Variants in ADGRB2 observed in about 807,000 individuals in gnomAD.
ADGRB2 encodes adhesion G protein-coupled receptor B2, also known as brain-specific angiogenesis inhibitor 2.
Under a neutral mutation model 178.7 loss-of-function variants are expected in ADGRB2, and 47 were observed. That is an observed-to-expected ratio of 0.26 (90% CI 0.21 to 0.34). The LOEUF (loss-of-function observed/expected upper bound fraction) is 0.34, where lower values mean the gene tolerates loss of function less well. Among genes scored for constraint, ADGRB2 ranks in the 10% least tolerant of loss-of-function variants. ADGRB2 has a pLI of 1.00. For synonymous variants in ADGRB2, 870 were observed against 912.4 expected (o/e 0.95, Z 0.84); for missense variants, 1,584 against 2,180.8 (o/e 0.73, Z 5.45).
chr1:31,738,788 C>A (rs1645772063), intron 16 of ADGRB2, 44 bp downstream of exon 16: 3 of 1,607,962 alleles, frequency 1.9e-6, no homozygotes, highest in Non-Finnish European at 2.6e-6. Context: ...TCTGGCCACC[C>A]AGGTTGAGGT....
In ADGRB2 at chr1:31,733,612, G is replaced by T. The variant is rs1386002507; in HGVS notation, c.3453-469C>A. ...TGCGACAGAGACACCCAGACAGAAAGATTAAACAGGCAGAGCACGCGGGGG... is the reference window on the plus strand; with the variant it reads ...TGCGACAGAGACACCCAGACAGAAATATTAAACAGGCAGAGCACGCGGGGG... On this transcript the variant is annotated intron_variant, in intron 25 of 32. Transcript: ENST00000373658. This position sits in a 1 kb window ranked among gnomAD's most constrained non-coding sequence, Gnocchi z 4.3. Among the ~76,000 whole-genome samples, 1 of 152,170 alleles carries T rather than the reference G, an allele frequency of 6.6e-6. No individual in the cohort carries two copies. Among genetic ancestry groups the T allele is most frequent in the Non-Finnish European group, 1.5e-5 (1 of 68,024 alleles).
chr1:31,730,236 G>C (rs1256098783), intron 29 of ADGRB2, among the ~76,000 whole-genome samples: 2 of 152,228 alleles, frequency 1.3e-5, no homozygotes, highest in Non-Finnish European at 2.9e-5. Context: ...CTCCGGAAGA[G>C]AGGGTCAGTT....
intron 4 of ADGRB2, among the ~76,000 whole-genome samples, chr1:31,747,902 G>A: frequency 6.6e-6 from 1 of 152,212 alleles, no homozygotes; most frequent in East Asian, 1.9e-4. Flanking sequence ...ACTAAGACAG[G>A]CTCAAAGACA....
chr1:31,740,306 G>C lies in ADGRB2; in HGVS notation c.1989+41C>G, dbSNP rs551140411. 1.2e-6 allele frequency: 2 copies of C among 1,605,158 alleles called. No individual in the cohort carries two copies. Among genetic ancestry groups the C allele is most frequent in the African/African-American group, 2.7e-5 (2 of 74,692 alleles). ...GGGCCTGGCCTCCCGCTTCAGTTTG[G>C]GCCTTCTCCACCCTCCGCCCTCCTT... is the stretch of plus-strand genomic sequence containing the variant. On this transcript the variant is annotated intron_variant, in intron 12 of 32. Transcript: ENST00000373658. This position sits in a 1 kb window ranked among gnomAD's most constrained non-coding sequence, Gnocchi z 5.9.
At position 31,761,471 on chromosome 1, in the gene ADGRB2, T is replaced by G. The variant is rs905263019; in HGVS notation, c.-191+2413A>C. Among the ~76,000 whole-genome samples, 68 of 152,202 alleles carry G rather than the reference T, an allele frequency of 4.5e-4. 1 individual carries two copies. Among genetic ancestry groups the G allele is most frequent in the African/African-American group, 1.5e-3 (62 of 41,452 alleles). ...GGCTCCCCCTAACAGGCTGCCTGCC[T>G]TCGGGGACTCTGACTGGGGTTTCTT... On this transcript the variant is annotated intron_variant, in intron 1 of 32. Coordinates refer to ENST00000373658, the MANE Select transcript of ADGRB2 (RefSeq NM_001364857.2). The surrounding 1 kb of genome is among the most constrained non-coding windows in gnomAD (Gnocchi z 4.2).
In ADGRB2 at chr1:31,755,444, C is replaced by A. The variant is rs1646785274; in HGVS notation, c.838+555G>T. 6.6e-6 allele frequency among the ~76,000 whole-genome samples: 1 copy of A among 152,154 alleles called. No homozygotes were observed. Among genetic ancestry groups the A allele is most frequent in the African/African-American group, 2.4e-5 (1 of 41,440 alleles). ...CCAGCCCTCCAAGGCAGCCTGGAAG[C>A]TCAGGCCTCTTCACCCAGGGACACT... On this transcript the variant is annotated intron_variant, in intron 4 of 32. Transcript: ENST00000373658. The surrounding 1 kb of genome is among the most constrained non-coding windows in gnomAD (Gnocchi z 5.1).
At position 31,744,784 on chromosome 1, in the gene ADGRB2, T is replaced by C. The variant is rs913713725; in HGVS notation, c.839-53A>G. 2.5e-6 allele frequency: 4 copies of C among 1,582,628 alleles called. No individual in the cohort carries two copies. The highest frequency in any genetic ancestry group is 1.3e-5 in the African/African-American group (1 of 74,228). ...TCAGCAAAGGCCAGCTAGGTTCTGTTACAGTGGCACAGTGAAGGCAGCCTT... is the reference window on the plus strand; with the variant it reads ...TCAGCAAAGGCCAGCTAGGTTCTGTCACAGTGGCACAGTGAAGGCAGCCTT... On this transcript the variant is annotated intron_variant, in intron 4 of 32. Coordinates refer to ENST00000373658, the MANE Select transcript of ADGRB2 (RefSeq NM_001364857.2). This position sits in a 1 kb window ranked among gnomAD's most constrained non-coding sequence, Gnocchi z 6.7.
At chr1:31,739,673 G>C (rs1358435037) in intron 14 of ADGRB2, 38 bp from the exon 15 acceptor site, 1 of 1,541,348 alleles carries the variant, frequency 6.5e-7, no homozygotes, top group Admixed American at 1.9e-5. Flanking sequence ...CAGACAGAGG[G>C]GCAGAAACAA....
chr1:31,744,432 C>A lies in ADGRB2; in HGVS notation c.923-75G>T. 6.6e-7 allele frequency: 1 copy of A among 1,524,090 alleles called. No individual in the cohort carries two copies. The highest frequency in any genetic ancestry group is 1.2e-5 in the South Asian group (1 of 82,512). 94.4% of individuals were successfully genotyped at this position (1,524,090 alleles called of 1,614,324 possible). A position where few individuals can be genotyped will look rare whatever the true frequency, so the allele number is the denominator to read the frequency against. ...AGTCTCATAGGGATAGGGGGAGTGG[C>A]AGTAAGGTGGGGGCAGGCATCAGAG... is the stretch of plus-strand genomic sequence containing the variant. On this transcript the variant is annotated intron_variant, in intron 5 of 32. Transcript: ENST00000373658. The surrounding 1 kb of genome is among the most constrained non-coding windows in gnomAD (Gnocchi z 6.7).
intron 29 of ADGRB2, among the ~76,000 whole-genome samples, chr1:31,729,479 C>G (rs1283972566): frequency 1.3e-5 from 2 of 152,208 alleles, no homozygotes; most frequent in Non-Finnish European, 2.9e-5. Flanking sequence ...CACTCACACT[C>G]TGCCCCGGCA....
chr1:31,740,896 C>CACACACACAT lies in ADGRB2; in HGVS notation c.1795-356_1795-355insATGTGTGTGT, dbSNP rs1645917532. Among the ~76,000 whole-genome samples, 2 of 3,646 alleles carry CACACACACAT rather than the reference C, an allele frequency of 5.5e-4. No homozygotes were observed. Among genetic ancestry groups the CACACACACAT allele is most frequent in the South Asian group, 0.1 (2 of 20 alleles). 2.4% of individuals were successfully genotyped at this position (3,646 alleles called of 152,430 possible). A position where few individuals can be genotyped will look rare whatever the true frequency, so the allele number is the denominator to read the frequency against. The stretch of plus-strand genomic sequence containing the variant: ...ATGAGCATGTGTGTGGGCGCGCGCG[C>CACACACACAT]ACACACACACACACACACACACACA... On this transcript the variant is annotated intron_variant, in intron 11 of 32. Transcript: ENST00000373658. The surrounding 1 kb of genome is among the most constrained non-coding windows in gnomAD (Gnocchi z 5.9).
rs764870829 is a variant in ADGRB2, at chr1:31,741,769, C to T, written c.1585+31G>A. ...GGTTCAGCTGGGTCCACACATGGGGCCCCCAGCCCCCAGGGTCATTAGGGC... is the reference window on the plus strand; with the variant it reads ...GGTTCAGCTGGGTCCACACATGGGGTCCCCAGCCCCCAGGGTCATTAGGGC... On this transcript the variant is annotated intron_variant, in intron 9 of 32. Transcript: ENST00000373658. This position sits in a 1 kb window ranked among gnomAD's most constrained non-coding sequence, Gnocchi z 6.5. 4 of 1,596,202 alleles carry T rather than the reference C, an allele frequency of 2.5e-6. No homozygotes were observed. Among genetic ancestry groups the T allele is most frequent in the Admixed American group, 3.4e-5 (2 of 59,116 alleles).
rs529390923 is a variant in ADGRB2, at chr1:31,759,820, C to T, written c.-190-2309G>A. ...CCCAGAGGCCTCTCCCTGAGCCACC[C>T]GGGAAGGGGACCTAGAAGGATGATC... On this transcript the variant is annotated intron_variant, in intron 1 of 32. Coordinates refer to ENST00000373658, the MANE Select transcript of ADGRB2 (RefSeq NM_001364857.2). This position sits in a 1 kb window ranked among gnomAD's most constrained non-coding sequence, Gnocchi z 4.3. 4.6e-5 allele frequency among the ~76,000 whole-genome samples: 7 copies of T among 152,266 alleles called. No individual in the cohort carries two copies. In the South Asian group the frequency reaches 6.2e-4, roughly 14 times the overall value.
Position 31,728,319 on chromosome 1 carries a change from C to A in ADGRB2, c.4417-39G>T. On this transcript the variant is annotated intron_variant, in intron 30 of 32. Coordinates refer to ENST00000373658, the MANE Select transcript of ADGRB2 (RefSeq NM_001364857.2). The surrounding 1 kb of genome is among the most constrained non-coding windows in gnomAD (Gnocchi z 6.7). ...GGCATCAGAGGGTCGCTCCCCGGGG[C>A]AGCACCATGATCCCCCCTACCCAGG... is the stretch of plus-strand genomic sequence containing the variant. The A allele has an allele frequency of 6.3e-7, 1 of 1,592,380 alleles. No individual in the cohort carries two copies. The highest frequency in any genetic ancestry group is 8.6e-7 in the Non-Finnish European group (1 of 1,164,404).
chr1:31,739,729 C>T, intron 14 of ADGRB2, 94 bp from the exon 15 acceptor site: 3 of 1,407,248 alleles, frequency 2.1e-6, no homozygotes, highest in Non-Finnish European at 9.6e-7. Flanking sequence ...GAAACACGTA[C>T]CAGGAAAGGT....
chr1:31,755,944 G>A lies in ADGRB2; in HGVS notation c.838+55C>T. 6.4e-7 allele frequency: 1 copy of A among 1,551,280 alleles called. No homozygotes were observed. Among genetic ancestry groups the A allele is most frequent in the Non-Finnish European group, 8.7e-7 (1 of 1,145,272 alleles). On this transcript the variant is annotated intron_variant, in intron 4 of 32. Transcript: ENST00000373658. The surrounding 1 kb of genome is among the most constrained non-coding windows in gnomAD (Gnocchi z 5.1). ...CGAGGATCTGCCAGGATGGACACCA[G>A]GGACACTGTCAGCCCCTGCAGACCC...
At position 31,735,132 on chromosome 1, in the gene ADGRB2, C is replaced by CCAA; in HGVS notation, c.3452+50_3452+51insTTG. The stretch of plus-strand genomic sequence containing the variant: ...CCCCCACCATGGGCACTGCCCCCCC[C>CCAA]AATTCCTTTGCCCCACCCACCCCCA... On this transcript the variant is annotated intron_variant, in intron 25 of 32. Transcript: ENST00000373658. This position sits in a 1 kb window ranked among gnomAD's most constrained non-coding sequence, Gnocchi z 6.0. The CCAA allele has an allele frequency of 8.3e-7, 1 of 1,204,606 alleles. No individual in the cohort carries two copies. Among genetic ancestry groups the CCAA allele is most frequent in the Non-Finnish European group, 1.1e-6 (1 of 893,750 alleles). The allele number at this position is 1,204,606 out of a possible 1,614,324, so 74.6% of individuals were successfully genotyped here.
intron 4 of ADGRB2, among the ~76,000 whole-genome samples, chr1:31,752,865 C>T (rs1447325743): frequency 6.6e-6 from 1 of 152,116 alleles, no homozygotes; most frequent in Non-Finnish European, 1.5e-5. Context: ...GTTTTGAGCC[C>T]ACTCTTGCCT....
In ADGRB2 at chr1:31,744,161, G is replaced by A; in HGVS notation, c.1087+32C>T. On this transcript the variant is annotated intron_variant, in intron 6 of 32. Transcript: ENST00000373658. This position sits in a 1 kb window ranked among gnomAD's most constrained non-coding sequence, Gnocchi z 6.7. ...GTCCCAGGCAGGACCTAACCCTGCA[G>A]GCAGGTGGGGTGGGGAGGAGGATGG... 6.7e-7 allele frequency: 1 copy of A among 1,498,510 alleles called. No homozygotes were observed. The highest frequency in any genetic ancestry group is 8.9e-7 in the Non-Finnish European group (1 of 1,118,940). The allele number at this position is 1,498,510 out of a possible 1,614,324, so 92.8% of individuals were successfully genotyped here.
Sources: allele counts gnomAD v4.1 joint callset (sites outside exome capture counted in the v4.1 genomes callset), GRCh38; gene constraint gnomAD v4.1.1; non-coding constraint Gnocchi (gnomAD v3.1); transcripts MANE v1.5; gene names NCBI Gene and HGNC (gene_info 2026-07-23, HGNC 2026-07-21).